The following DIP2B variants were observed in gnomAD, a reference collection of about 807,000 sequenced individuals.
DIP2B encodes the protein DIP2 acetate--CoA ligase B (putative).
Under a neutral mutation model 198.0 loss-of-function variants are expected in DIP2B, and 76 were observed. The observed-to-expected ratio is 0.38, with a 90% confidence interval of 0.32 to 0.46. DIP2B has a LOEUF of 0.46. Among genes scored for constraint, DIP2B ranks in the 20% least tolerant of loss-of-function variants. The probability of loss-of-function intolerance (pLI) is 0.99; values close to 1 mark genes in which losing one functional copy is unlikely to be tolerated. For missense variants in DIP2B, 1,559 were observed against 1,978.4 expected (o/e 0.79, Z 4.02); for synonymous variants, 701 against 739.1 (o/e 0.95, Z 0.84).
At position 50,744,821 on chromosome 12, in the gene DIP2B, C is replaced by T. The variant is rs1207474377; in HGVS notation, c.4713C>T (p.Tyr1571=). Residue 1571 remains tyrosine, a synonymous_variant, in exon 38 of 38, where the codon TAC becomes TAT. Coordinates refer to ENST00000301180, the MANE Select transcript of DIP2B (RefSeq NM_173602.3). Reference sequence around the variant, plus strand: ...TAGCTGACCAGTTAGACCCCATCTACGTGGCTTATAACATGTAACCAGCCT... The same window carrying T: ...TAGCTGACCAGTTAGACCCCATCTATGTGGCTTATAACATGTAACCAGCCT... The part of the protein sequence containing the change: ...SFLADQLDPI[Y]VAYNM 5.0e-6 allele frequency: 8 copies of T among 1,614,138 alleles called. No homozygotes were observed. The highest frequency in any genetic ancestry group is 1.7e-5 in the Admixed American group (1 of 60,018).
chr12:50,683,992 A>G (rs1035709168), intron 10 of DIP2B, among the ~76,000 whole-genome samples: 6 of 152,040 alleles, frequency 3.9e-5, no homozygotes, highest in African/African-American at 4.8e-5. Flanking sequence ...GTGCACCTGT[A>G]GTCCCAGCTA....
intron 25 of DIP2B, among the ~76,000 whole-genome samples, chr12:50,719,500 C>G (rs1027141169): frequency 6.6e-6 from 1 of 152,136 alleles, no homozygotes; most frequent in African/African-American, 2.4e-5. Context: ...GAAAATTACT[C>G]AAAGAGCACA....
intron 36 of DIP2B, among the ~76,000 whole-genome samples, chr12:50,740,425 A>G (rs1048258705): frequency 8.5e-5 from 13 of 152,166 alleles, no homozygotes; most frequent in Non-Finnish European, 1.5e-4. Flanking sequence ...GAAAATGGGG[A>G]TGACTGTGTT....
intron 4 of DIP2B, among the ~76,000 whole-genome samples, chr12:50,667,757 C>T (rs1422856407): frequency 6.6e-6 from 1 of 152,184 alleles, no homozygotes; most frequent in Non-Finnish European, 1.5e-5. Flanking sequence ...ATTTAAATTA[C>T]TCTTAGGAAA....
In DIP2B at chr12:50,626,067, T is replaced by G. The variant is rs193283598; in HGVS notation, c.172+20T>G. On this transcript the variant is annotated intron_variant, in intron 2 of 37. Coordinates refer to ENST00000301180, the MANE Select transcript of DIP2B (RefSeq NM_173602.3). ...CACAAGGTAGGCAATAAAAAATGGT[T>G]TCAACTTTTTCAGTATTTTTACACC... 7.5e-6 allele frequency: 12 copies of G among 1,610,030 alleles called. No homozygotes were observed. The highest frequency in any genetic ancestry group is 6.7e-5 in the Admixed American group (4 of 59,772).
chr12:50,661,041 T>C (rs1398775226), intron 4 of DIP2B, among the ~76,000 whole-genome samples: 2 of 152,150 alleles, frequency 1.3e-5, no homozygotes, highest in Non-Finnish European at 2.9e-5. Context: ...ACAATCTAAG[T>C]TGTCTTGTCT....
chr12:50,565,723 A>C (rs1268511391), intron 1 of DIP2B, among the ~76,000 whole-genome samples: 6 of 152,006 alleles, frequency 3.9e-5, no homozygotes, highest in Non-Finnish European at 4.4e-5. Context: ...GCATCATTTC[A>C]CCCTCAAATT....
intron 22 of DIP2B, among the ~76,000 whole-genome samples, chr12:50,709,942 T>G (rs1320944355): frequency 6.6e-6 from 1 of 152,206 alleles, no homozygotes; most frequent in Non-Finnish European, 1.5e-5. Flanking sequence ...GAATAGCTAC[T>G]GCACTCCAAC....
intron 1 of DIP2B, among the ~76,000 whole-genome samples, chr12:50,596,139 G>A (rs1371168224): frequency 6.6e-6 from 1 of 152,210 alleles, no homozygotes; most frequent in Non-Finnish European, 1.5e-5. Flanking sequence ...TGAGTGCTTT[G>A]TAGTTGAAGT....
intron 22 of DIP2B, among the ~76,000 whole-genome samples, chr12:50,709,408 G>A (rs377574174): frequency 5.3e-5 from 8 of 152,072 alleles, no homozygotes; most frequent in South Asian, 2.1e-4. Flanking sequence ...CGAGATGGGC[G>A]GATCACGAGG....
At chr12:50,633,889 C>T (rs1435727000) in intron 2 of DIP2B, among the ~76,000 whole-genome samples, 1 of 152,190 alleles carries the variant, frequency 6.6e-6, no homozygotes, top group Non-Finnish European at 1.5e-5. Flanking sequence ...AGCATTGGAA[C>T]TGACAGTTGT....
At chr12:50,675,155 A>G (rs1402629511) in intron 6 of DIP2B, among the ~76,000 whole-genome samples, 174 bp from the exon 7 acceptor site, 1 of 152,248 alleles carries the variant, frequency 6.6e-6, no homozygotes, top group African/African-American at 2.4e-5. Context: ...TAATAGCACC[A>G]TATTTGTTCT....
chr12:50,639,704 A>C (rs1277281697), intron 2 of DIP2B, among the ~76,000 whole-genome samples: 2 of 151,716 alleles, frequency 1.3e-5, no homozygotes, highest in African/African-American at 4.8e-5. Context: ...TTAATTTGCT[A>C]TGTGTAAGCT....
chr12:50,520,945 A>G (rs1339866087), intron 1 of DIP2B, among the ~76,000 whole-genome samples: 1 of 151,800 alleles, frequency 6.6e-6, no homozygotes, highest in Non-Finnish European at 1.5e-5. Flanking sequence ...TGTAGCGAGT[A>G]TTTTCCCTGT....
chr12:50,634,642 T>A (rs570847563), intron 2 of DIP2B, among the ~76,000 whole-genome samples: 1 of 152,292 alleles, frequency 6.6e-6, no homozygotes, highest in Admixed American at 6.5e-5. Flanking sequence ...CTATAAATAG[T>A]CCCCACTTCC....
intron 1 of DIP2B, among the ~76,000 whole-genome samples, chr12:50,611,440 A>G (rs959492403): frequency 1.3e-5 from 2 of 152,244 alleles, no homozygotes; most frequent in African/African-American, 4.8e-5. Flanking sequence ...AACGTTTAAC[A>G]TTTATTCTTT....
chr12:50,739,095 G>A (rs1413996462), intron 35 of DIP2B, among the ~76,000 whole-genome samples: 1 of 152,172 alleles, frequency 6.6e-6, no homozygotes, highest in Non-Finnish European at 1.5e-5. Flanking sequence ...GTGAGAGCAC[G>A]GCCTCCGGAG....
intron 1 of DIP2B, among the ~76,000 whole-genome samples, chr12:50,595,932 C>G (rs1029629141): frequency 2.0e-5 from 3 of 152,162 alleles, no homozygotes; most frequent in African/African-American, 7.2e-5. Context: ...AGTAGGATTT[C>G]TTTGTACCTT....
Position 50,706,614 on chromosome 12 carries a change from T to G in DIP2B, c.2483T>G (p.Ile828Ser). The change falls in exon 21 of 38, where the codon ATT becomes AGT. Residue 828 changes from isoleucine (I) to serine (S), a missense_variant. Physicochemically the swap from Ile to Ser is moderately radical, Grantham distance 142. Coordinates refer to ENST00000301180, the MANE Select transcript of DIP2B (RefSeq NM_173602.3). ...VSGRRHNADDIVATGLAVESI... is the reference protein window; with the variant it reads ...VSGRRHNADDSVATGLAVESI... ...GGTCGAAGACATAATGCTGATGACATTGTTGCTACTGGATTGGCTGTAGAA... is the reference window on the plus strand; with the variant it reads ...GGTCGAAGACATAATGCTGATGACAGTGTTGCTACTGGATTGGCTGTAGAA... The G allele has an allele frequency of 6.2e-7, 1 of 1,614,100 alleles. No individual in the cohort carries two copies.
Sources: gnomAD v4.1 joint callset for allele counts (sites outside exome capture counted in the v4.1 genomes callset) on GRCh38, gnomAD v4.1.1 for gene constraint, MANE v1.5 for transcripts, NCBI Gene and HGNC (gene_info 2026-07-23, HGNC 2026-07-21) for gene names.